COPG2: variants seen among roughly 807,000 people sequenced by gnomAD.
COPG2 encodes coat protein complex I subunit gamma 2, also known as coatomer subunit gamma-2.
In COPG2, 37 loss-of-function variants were observed where a neutral mutation model predicts 46.3. That is an observed-to-expected ratio of 0.80 (90% CI 0.61 to 1.05). The LOEUF (loss-of-function observed/expected upper bound fraction) is 1.05. Among genes scored for constraint, COPG2 ranks in the 50% least tolerant of loss-of-function variants. The pLI is 0.00. For synonymous variants in COPG2, 159 were observed against 129.7 expected, an observed-to-expected ratio of 1.23 and a Z score of -1.53; for missense variants, 427 against 387.8, an observed-to-expected ratio of 1.10 and a Z score of -0.85.
chr7:130,508,413 T>A (rs1385152421), intron 21 of COPG2, 149 bp downstream of exon 21: 2 of 603,700 alleles, frequency 3.3e-6, no homozygotes, highest in Non-Finnish European at 5.9e-6. Flanking sequence ...GGAGGGTTAG[T>A]CCAGGTCCTC....
At chr7:130,655,862 T>C (rs537347532) in intron 4 of COPG2, among the ~76,000 whole-genome samples, 22 of 152,358 alleles carry the variant, frequency 1.4e-4, no homozygotes, top group African/African-American at 5.1e-4. Flanking sequence ...CCAGTCCATT[T>C]ACTTTATCAT....
intron 5 of COPG2, among the ~76,000 whole-genome samples, chr7:130,638,293 G>A (rs1012228050): frequency 6.6e-6 from 1 of 152,158 alleles, no homozygotes; most frequent in African/African-American, 2.4e-5. Context: ...CCAGCAGGCA[G>A]GAACGTTCAA....
At chr7:130,579,663 G>A (rs1464603150) in intron 9 of COPG2, among the ~76,000 whole-genome samples, 1 of 151,554 alleles carries the variant, frequency 6.6e-6, no homozygotes, top group East Asian at 1.9e-4. Context: ...GATCTACCAA[G>A]CAAATGGAAA....
At chr7:130,588,952 T>C (rs1370446819) in intron 9 of COPG2, among the ~76,000 whole-genome samples, 2 of 152,172 alleles carry the variant, frequency 1.3e-5, no homozygotes, top group Admixed American at 1.3e-4. Context: ...GCCACACACA[T>C]ATACACACAA....
rs193050666 is a variant in COPG2 at position 130,613,031 on chromosome 7, T to C, written c.492+513A>G. The stretch of plus-strand genomic sequence containing the variant: ...ACCTTTCAAACATACGAACATTTTA[T>C]GTTTTTAATTGCTCAATGATCCTAT... On this transcript the variant is annotated intron_variant, in intron 7 of 23. Transcript: ENST00000425248. 7.9e-5 allele frequency among the ~76,000 whole-genome samples: 12 copies of C among 152,386 alleles called. No individual in the cohort carries two copies. In the East Asian group the frequency reaches 2.3e-3, roughly 29 times the overall value.
intron 20 of COPG2, among the ~76,000 whole-genome samples, chr7:130,515,648 T>A (rs1799672374): frequency 6.6e-6 from 1 of 152,034 alleles, no homozygotes; most frequent in South Asian, 2.1e-4. Flanking sequence ...AACTGTTGTG[T>A]TAGGGTCAGC....
intron 20 of COPG2, among the ~76,000 whole-genome samples, chr7:130,510,503 A>C (rs1799577785): frequency 1.3e-5 from 2 of 152,196 alleles, no homozygotes; most frequent in South Asian, 4.1e-4. Flanking sequence ...TAATTATAGC[A>C]ACCCAGTGTG....
chr7:130,659,263 G>C (rs1411594930), intron 4 of COPG2, among the ~76,000 whole-genome samples: 2 of 146,846 alleles, frequency 1.4e-5, no homozygotes, highest in Admixed American at 1.4e-4. Flanking sequence ...GCTGAGGCAG[G>C]AGAATGGCGT....
intron 11 of COPG2, among the ~76,000 whole-genome samples, chr7:130,561,628 C>T (rs1027308197): frequency 2.0e-5 from 3 of 152,126 alleles, no homozygotes; most frequent in African/African-American, 7.2e-5. Context: ...TTTCAAGACG[C>T]AAACTCCAGC....
Position 130,601,839 on chromosome 7 carries a change from G to A in COPG2, c.737+9114C>T, listed in dbSNP as rs180725720. ...AAGTATAATAAAAAAAGGAAGGAAG[G>A]AAGGAGGGAAGGAAGGAAGGAAGCA... is the stretch of plus-strand genomic sequence containing the variant. On this transcript the variant is annotated intron_variant, in intron 9 of 23. Coordinates refer to ENST00000425248, the MANE Select transcript of COPG2 (RefSeq NM_012133.6). Among the ~76,000 whole-genome samples the A allele has an allele frequency of 2.4e-3, 360 of 151,558 alleles. 1 individual carries two copies. Among genetic ancestry groups the A allele is most frequent in the Non-Finnish European group, 4.2e-3 (283 of 67,850 alleles).
At chr7:130,659,772 C>G (rs1795937868) in intron 4 of COPG2, among the ~76,000 whole-genome samples, 1 of 151,740 alleles carries the variant, frequency 6.6e-6, no homozygotes, top group Admixed American at 6.6e-5. Context: ...ATTAGACAGG[C>G]ATGGTGGCAC....
intron 9 of COPG2, among the ~76,000 whole-genome samples, chr7:130,608,696 T>C (rs941418459): frequency 1.3e-5 from 2 of 152,192 alleles, no homozygotes; most frequent in African/African-American, 4.8e-5. Flanking sequence ...CTGAATCTAA[T>C]GAATCTAATT....
intron 9 of COPG2, chr7:130,610,154 G>C (rs180678783): frequency 2.0e-6 from 1 of 511,202 alleles, no homozygotes; most frequent in African/African-American, 1.9e-5. Flanking sequence ...TGCTTATAAA[G>C]GTGCAGTAGA....
chr7:130,616,993 G>C lies in COPG2; in HGVS notation c.396C>G (p.Thr132=). Residue 132 remains threonine (T), a synonymous_variant, in exon 6 of 24, where the codon ACC becomes ACG. Coordinates refer to ENST00000425248, the MANE Select transcript of COPG2 (RefSeq NM_012133.6). ...GPAIRALCRI[T]DGTMLQAIER... is the part of the protein sequence containing the mutation. ...CTCAGTGAAACAGATAACTTACATC[G>C]GTGATCCTGCAGAGAGCTCTGATGG... is the stretch of plus-strand genomic sequence containing the variant. The C allele has an allele frequency of 1.2e-6, 2 of 1,603,378 alleles. No homozygotes were observed. The highest frequency in any genetic ancestry group is 1.7e-6 in the Non-Finnish European group (2 of 1,171,796).
chr7:130,530,950 G>A (rs907606646), intron 20 of COPG2, among the ~76,000 whole-genome samples: 2 of 151,468 alleles, frequency 1.3e-5, no homozygotes, highest in Non-Finnish European at 2.9e-5. Flanking sequence ...TAAAAGGGGT[G>A]GACAGCAATA....
chr7:130,546,674 T>A (rs1793449441), intron 20 of COPG2: 1 of 152,230 alleles, frequency 6.6e-6, no homozygotes, highest in African/African-American at 2.4e-5. Context: ...CCAACACAGA[T>A]AAGACTGGAC....
intron 20 of COPG2, among the ~76,000 whole-genome samples, chr7:130,542,983 G>A (rs1014407164): frequency 4.6e-5 from 7 of 152,158 alleles, no homozygotes; most frequent in Admixed American, 2.6e-4. Context: ...GACGACAAGC[G>A]AGTGGGGTAA....
At chr7:130,590,219 C>T (rs1554448604) in intron 9 of COPG2, among the ~76,000 whole-genome samples, 1 of 151,592 alleles carries the variant, frequency 6.6e-6, no homozygotes, top group Admixed American at 6.6e-5. Context: ...TCCCCACGGT[C>T]TCTCTCTCCC....
chr7:130,639,968 C>A (rs1795431023), intron 5 of COPG2, among the ~76,000 whole-genome samples: 1 of 152,100 alleles, frequency 6.6e-6, no homozygotes, highest in African/African-American at 2.4e-5. Flanking sequence ...CTTCACCCAA[C>A]AGCCGTCCCT....
Sources: allele counts gnomAD v4.1 joint callset (sites outside exome capture counted in the v4.1 genomes callset), GRCh38; gene constraint gnomAD v4.1.1; transcripts MANE v1.5; gene names NCBI Gene and HGNC (gene_info 2026-07-23, HGNC 2026-07-21).